Variants in KAZN observed in about 807,000 individuals in gnomAD.
The protein encoded by KAZN is kazrin.
In KAZN, 40 loss-of-function variants were observed where a neutral mutation model predicts 87.4. That is an observed-to-expected ratio of 0.46 (90% confidence interval 0.36 to 0.60). The LOEUF is 0.60. Among genes scored for constraint, KAZN ranks in the 20% least tolerant of loss-of-function variants. The probability of loss-of-function intolerance (pLI) is 0.00; values close to 1 mark genes in which losing one functional copy is unlikely to be tolerated. For synonymous variants in KAZN, 466 were observed against 458.3 expected, an observed-to-expected ratio of 1.02 and a Z score of -0.22; for missense variants, 898 against 1,073.9, an observed-to-expected ratio of 0.84 and a Z score of 2.29.
At chr1:14,892,821 G>A (rs1444912126) in intron 1 of KAZN, among the ~76,000 whole-genome samples, 1 of 152,022 alleles carries the variant, frequency 6.6e-6, no homozygotes, top group Non-Finnish European at 1.5e-5. Context: ...CACTCATCTT[G>A]TATCTCCAAT....
chr1:14,697,339 T>A (rs1160582214), intron 1 of KAZN, among the ~76,000 whole-genome samples: 1 of 150,134 alleles, frequency 6.7e-6, no homozygotes, highest in African/African-American at 2.5e-5. Context: ...CCAAAAAAAA[T>A]AAAAAATAAA....
intron 2 of KAZN, among the ~76,000 whole-genome samples, chr1:14,533,790 A>G (rs1253474671): frequency 1.3e-5 from 2 of 152,172 alleles, no homozygotes; most frequent in Non-Finnish European, 2.9e-5. Context: ...TGACTCTGGT[A>G]TATTTTACCG....
At chr1:13,990,562 C>T (rs773117661) in intron 1 of KAZN, among the ~76,000 whole-genome samples, 25 of 152,108 alleles carry the variant, frequency 1.6e-4, no homozygotes, top group Non-Finnish European at 2.2e-4. Flanking sequence ...CACGCGGGAG[C>T]TTTCTCATTG....
At chr1:14,094,502 C>T (rs560225678) in intron 1 of KAZN, among the ~76,000 whole-genome samples, 1 of 152,312 alleles carries the variant, frequency 6.6e-6, no homozygotes, top group Non-Finnish European at 1.5e-5. Flanking sequence ...AAATTAACTA[C>T]ACAGTATCCA....
intron 2 of KAZN, among the ~76,000 whole-genome samples, chr1:15,015,851 C>T (rs11805968): frequency 0.15 from 22,455 of 152,202 alleles, 1,843 homozygotes; most frequent in Non-Finnish European, 0.18. Context: ...AAACCCTGAC[C>T]GGCCTACCTG....
At chr1:14,734,989 A>G (rs1409599986) in intron 1 of KAZN, among the ~76,000 whole-genome samples, 6 of 152,242 alleles carry the variant, frequency 3.9e-5, no homozygotes, top group Non-Finnish European at 8.8e-5. Context: ...TTCAGGAGGC[A>G]GTAGGTGTGC....
chr1:14,189,421 A>G (rs1010475048), intron 2 of KAZN, among the ~76,000 whole-genome samples: 2 of 152,122 alleles, frequency 1.3e-5, no homozygotes, highest in African/African-American at 4.8e-5. Context: ...GCCTTAAAAA[A>G]CCATCCCAAA....
chr1:14,907,227 C>G (rs879759096), intron 1 of KAZN, among the ~76,000 whole-genome samples: 2 of 151,442 alleles, frequency 1.3e-5, no homozygotes, highest in African/African-American at 4.9e-5. Flanking sequence ...GAAACCCCAT[C>G]TCTACCAAAA....
intron 1 of KAZN, among the ~76,000 whole-genome samples, chr1:14,138,362 A>G (rs1243575372): frequency 1.3e-5 from 2 of 152,172 alleles, no homozygotes; most frequent in African/African-American, 4.8e-5. Flanking sequence ...AGACTTGACC[A>G]CATTCAGAAG....
chr1:14,978,826 CAG>C (rs1213115459), intron 2 of KAZN, among the ~76,000 whole-genome samples: 4 of 152,104 alleles, frequency 2.6e-5, no homozygotes, highest in African/African-American at 4.8e-5. Context: ...TGCTGCTATT[CAG>C]AGTCTGTTAG....
At chr1:14,514,613 A>ATTT (rs1557770534) in intron 2 of KAZN, among the ~76,000 whole-genome samples, 603 of 45,788 alleles carry the variant, frequency 0.013, 3 homozygotes, top group Non-Finnish European at 0.016. Context: ...ATATATATAT[A>ATTT]TATATATATA....
At chr1:14,405,592 A>G (rs942009926) in intron 2 of KAZN, among the ~76,000 whole-genome samples, 1 of 149,528 alleles carries the variant, frequency 6.7e-6, no homozygotes, top group Admixed American at 6.8e-5. Context: ...CTCCAGAAAA[A>G]CAGACCCAAT....
chr1:14,255,237 C>A (rs191660839), intron 2 of KAZN, among the ~76,000 whole-genome samples: 1 of 151,868 alleles, frequency 6.6e-6, no homozygotes, highest in African/African-American at 2.4e-5. Flanking sequence ...TTTAAACAAC[C>A]AGATCTCATG....
chr1:14,381,930 A>G (rs1273983627), intron 2 of KAZN, among the ~76,000 whole-genome samples: 1 of 152,208 alleles, frequency 6.6e-6, no homozygotes, highest in Non-Finnish European at 1.5e-5. Context: ...TGGAAAAAAC[A>G]TAAGACTCCA....
chr1:14,720,807 A>G (rs1485656772), intron 1 of KAZN, among the ~76,000 whole-genome samples: 1 of 151,950 alleles, frequency 6.6e-6, no homozygotes, highest in Non-Finnish European at 1.5e-5. Flanking sequence ...ACGTCTGCCT[A>G]CCAGGTTCAA....
chr1:14,932,897 A>G (rs1177936822), intron 1 of KAZN, among the ~76,000 whole-genome samples: 1 of 152,206 alleles, frequency 6.6e-6, no homozygotes, highest in East Asian at 1.9e-4. Context: ...TACAGTGTTG[A>G]AGGGCCATCA....
At chr1:15,105,886 T>G (rs1278758985) in intron 13 of KAZN, among the ~76,000 whole-genome samples, 2 of 152,156 alleles carry the variant, frequency 1.3e-5, no homozygotes, top group Non-Finnish European at 2.9e-5. Context: ...GATTCCCTGG[T>G]CCTGCCTCAG....
chr1:13,966,646 C>G (rs1273770612), intron 1 of KAZN, among the ~76,000 whole-genome samples: 2 of 152,206 alleles, frequency 1.3e-5, no homozygotes, highest in African/African-American at 4.8e-5. Flanking sequence ...CCCCTGGCCA[C>G]AGGAGGCTGG....
rs188029860 is a variant in KAZN at position 14,819,367 on chromosome 1, C to T, written c.227-141317C>T. On this transcript the variant is annotated intron_variant, in intron 1 of 14. Transcript: ENST00000376030. Reference sequence around the variant, plus strand: ...TGGGGCCCAGTTGTTCCATCAAACACGAGTTCAGATGTTGCTGGGAAGGTA... The same window carrying T: ...TGGGGCCCAGTTGTTCCATCAAACATGAGTTCAGATGTTGCTGGGAAGGTA... Among the ~76,000 whole-genome samples, 39 of 152,234 alleles carry T rather than the reference C, an allele frequency of 2.6e-4. 1 individual carries two copies. Among genetic ancestry groups the T allele is most frequent in the Admixed American group, 2.0e-4 (3 of 15,292 alleles).
Sources: gnomAD v4.1 joint callset for allele counts (sites outside exome capture counted in the v4.1 genomes callset) on GRCh38, gnomAD v4.1.1 for gene constraint, MANE v1.5 for transcripts, NCBI Gene and HGNC (gene_info 2026-07-23, HGNC 2026-07-21) for gene names.